Variants in CEP135 observed in about 807,000 individuals in gnomAD.
CEP135 encodes the protein centrosomal protein 135.
Under a neutral mutation model 157.3 loss-of-function variants are expected in CEP135, and 142 were observed. The observed-to-expected ratio is 0.90, with a 90% CI of 0.79 to 1.04. CEP135 has a LOEUF of 1.04. Among genes scored for constraint, CEP135 ranks in the 50% least tolerant of loss-of-function variants. CEP135 has a pLI of 0.00. For synonymous variants in CEP135, 396 were observed against 439.8 expected (o/e 0.90, Z 1.25); for missense variants, 1,317 against 1,309.2 (o/e 1.01, Z -0.09).
At chr4:55,991,503 T>C (rs1159727413) in intron 14 of CEP135, among the ~76,000 whole-genome samples, 1 of 152,146 alleles carries the variant, frequency 6.6e-6, no homozygotes, top group African/African-American at 2.4e-5. Context: ...TGTCAGGTTA[T>C]ATTCTGTGCT....
chr4:56,009,515 T>G lies in CEP135; in HGVS notation c.2337-220T>G, dbSNP rs901591966. Among the ~76,000 whole-genome samples, 87 of 152,192 alleles carry G rather than the reference T, an allele frequency of 5.7e-4. 1 individual carries two copies. Among genetic ancestry groups the G allele is most frequent in the Non-Finnish European group, 1.3e-4 (9 of 68,034 alleles). ...AAGTTTTCTGTGTTTACTTGACTGT[T>G]GGAATAACATTTTTTTTTAACTTCA... is the stretch of plus-strand genomic sequence containing the variant. On this transcript the variant is annotated intron_variant, in intron 18 of 25. Transcript: ENST00000257287.
chr4:56,026,734 G>C (rs1375479646), intron 25 of CEP135, among the ~76,000 whole-genome samples: 1 of 152,216 alleles, frequency 6.6e-6, no homozygotes, highest in Non-Finnish European at 1.5e-5. Flanking sequence ...GTTGTAAAGT[G>C]CCAGGATGCA....
In CEP135 at chr4:55,965,748, A is replaced by T; in HGVS notation, c.933A>T (p.Lys311Asn). Residue 311 changes from lysine (K) to asparagine (N), a missense_variant, in exon 8 of 26, where the codon AAA becomes AAT. Lys to Asn is a moderately conservative substitution (Grantham distance 94, BLOSUM62 0). Transcript: ENST00000257287. Reference protein sequence around the residue: ...VTSEVVNLSNKNEKLCQELTE... With the variant: ...VTSEVVNLSNNNEKLCQELTE... ...CTGAAGTCGTTAATTTAAGTAACAA[A>T]AATGAAAAACTCTGCCAAGAATTAA... The T allele has an allele frequency of 1.9e-6, 3 of 1,613,966 alleles. No individual in the cohort carries two copies. The highest frequency in any genetic ancestry group is 2.5e-6 in the Non-Finnish European group (3 of 1,179,906).
intron 14 of CEP135, among the ~76,000 whole-genome samples, chr4:55,988,737 C>T (rs1729686555): frequency 1.3e-5 from 2 of 148,744 alleles, no homozygotes; most frequent in Non-Finnish European, 3.0e-5. Context: ...GCAGGCGAAT[C>T]ATGAGGTCAG....
intron 15 of CEP135, 75 bp downstream of exon 15, chr4:55,992,160 AT>A: frequency 1.4e-6 from 2 of 1,418,596 alleles, no homozygotes; most frequent in South Asian, 1.3e-5. Context: ...TAATCATGGC[AT>A]TTTGGACTGG....
intron 14 of CEP135, among the ~76,000 whole-genome samples, chr4:55,986,812 G>T (rs1577887591): frequency 1.3e-5 from 2 of 152,096 alleles, no homozygotes; most frequent in African/African-American, 4.8e-5. Context: ...GTTTTGTTTT[G>T]GCTGGCTTCT....
chr4:55,959,877 C>T, intron 6 of CEP135, 111 bp downstream of exon 6: 1 of 862,562 alleles, frequency 1.2e-6, no homozygotes, highest in Admixed American at 2.2e-5. Context: ...TACAGCTTTC[C>T]TCTTTTTCAT....
intron 21 of CEP135, 100 bp downstream of exon 21, chr4:56,012,085 T>A: frequency 6.4e-6 from 5 of 784,442 alleles, no homozygotes; most frequent in African/African-American, 1.8e-5. Context: ...TGAGATGAAG[T>A]CTGACTCTGT....
chr4:56,011,559 GTTT>G (rs371011577), intron 20 of CEP135, 37 bp downstream of exon 20: 16 of 1,148,980 alleles, frequency 1.4e-5, no homozygotes, highest in Non-Finnish European at 1.7e-5. Context: ...TAAGACTGAG[GTTT>G]TTTTTTTTTT....
chr4:56,024,974 A>G (rs2109752819), intron 25 of CEP135, among the ~76,000 whole-genome samples: 1 of 152,160 alleles, frequency 6.6e-6, no homozygotes, highest in East Asian at 1.9e-4. Flanking sequence ...CTCCACCTCT[A>G]CAAAAAATAC....
chr4:55,962,387 A>G (rs1406137298), intron 6 of CEP135, among the ~76,000 whole-genome samples: 1 of 152,208 alleles, frequency 6.6e-6, no homozygotes, highest in South Asian at 2.1e-4. Context: ...GGCGTGAGCC[A>G]CTATGCCCGG....
intron 11 of CEP135, among the ~76,000 whole-genome samples, chr4:55,978,427 AAG>A (rs1328294948): frequency 6.6e-6 from 1 of 152,250 alleles, no homozygotes; most frequent in Non-Finnish European, 1.5e-5. Flanking sequence ...AAAAATCTGA[AAG>A]AATTCCTTGG....
At chr4:55,963,636 C>T (rs1695661410) in intron 6 of CEP135, among the ~76,000 whole-genome samples, 1 of 152,286 alleles carries the variant, frequency 6.6e-6, no homozygotes, top group South Asian at 2.1e-4. Context: ...GTCCCAGCTA[C>T]TCAGGAGGCT....
chr4:55,991,716 T>C (rs947476855), intron 14 of CEP135, among the ~76,000 whole-genome samples: 2 of 152,212 alleles, frequency 1.3e-5, no homozygotes, highest in African/African-American at 2.4e-5. Flanking sequence ...CTTCGTGCTT[T>C]TTATATTTTG....
At chr4:55,967,186 G>T (rs554503928) in intron 8 of CEP135, among the ~76,000 whole-genome samples, 1 of 151,950 alleles carries the variant, frequency 6.6e-6, no homozygotes, top group South Asian at 2.1e-4. Flanking sequence ...TAACTGTAAG[G>T]TTCAAGGTGT....
At chr4:55,981,035 T>C (rs896587167) in intron 12 of CEP135, among the ~76,000 whole-genome samples, 192 bp from the exon 13 acceptor site, 1 of 151,864 alleles carries the variant, frequency 6.6e-6, no homozygotes, top group East Asian at 1.9e-4. Context: ...TTGTGGCTGG[T>C]GCCTCCCTCA....
chr4:55,991,970 TTAA>T lies in CEP135; in HGVS notation c.1899_1901del (p.Ile633del), dbSNP rs1560412939. ...AAAATATGAATTAAAGTCTAAAGTGTTAATAATGAAAGAAACAATAGAGTCGTT... is the reference window on the plus strand; with the variant it reads ...AAAATATGAATTAAAGTCTAAAGTGTTAATGAAAGAAACAATAGAGTCGTT... On this transcript the variant is annotated inframe_deletion, in exon 15 of 26. Transcript: ENST00000257287. 1 of 1,550,164 alleles carries T rather than the reference TTAA, an allele frequency of 6.5e-7. No individual in the cohort carries two copies. The highest frequency in any genetic ancestry group is 1.9e-5 in the Admixed American group (1 of 53,756).
Position 56,019,402 on chromosome 4 carries a change from A to C in CEP135, c.3062A>C (p.Lys1021Thr). The change falls in exon 23 of 26, where the codon AAA (lysine) becomes ACA (threonine). Residue 1021 changes from lysine to threonine, a missense_variant. Coordinates refer to ENST00000257287, the MANE Select transcript of CEP135 (RefSeq NM_025009.5). ...NVKSESDLLK[K>T]QLSNERHTVK... is the part of the protein sequence containing the mutation. ...AAGTCAGAGTCAGACCTACTGAAAA[A>C]ACAACTTTCAAATGAGAGACATACA... 6.2e-7 allele frequency: 1 copy of C among 1,613,878 alleles called. No homozygotes were observed.
intron 10 of CEP135, among the ~76,000 whole-genome samples, chr4:55,974,031 T>A (rs1729111375): frequency 6.6e-6 from 1 of 152,218 alleles, no homozygotes; most frequent in South Asian, 2.1e-4. Flanking sequence ...CACACTGTCC[T>A]TTTGTAGCTT....
Sources: allele counts gnomAD v4.1 joint callset (sites outside exome capture counted in the v4.1 genomes callset), GRCh38; gene constraint gnomAD v4.1.1; transcripts MANE v1.5; gene names NCBI Gene and HGNC (gene_info 2026-07-23, HGNC 2026-07-21).